Variants in FANCC observed in about 807,000 individuals in gnomAD.
The protein encoded by FANCC is Fanconi anemia group C protein.
FANCC carries 55 observed loss-of-function variants against 71.3 expected under a neutral mutation model. The ratio of observed to expected loss-of-function variants is 0.77; its 90% confidence interval spans 0.62 to 0.97. FANCC has a LOEUF of 0.97. FANCC is among the 50% of genes least tolerant of loss of function. The probability of loss-of-function intolerance (pLI) is 0.00; values close to 1 mark genes in which losing one functional copy is unlikely to be tolerated. For synonymous variants in FANCC, 275 were observed against 244.9 expected, an observed-to-expected ratio of 1.12 and a Z score of -1.15; for missense variants, 678 against 670.9, an observed-to-expected ratio of 1.01 and a Z score of -0.12.
intron 1 of FANCC, among the ~76,000 whole-genome samples, chr9:95,276,899 G>A (rs947618100): frequency 2.6e-5 from 4 of 152,136 alleles, no homozygotes; most frequent in Non-Finnish European, 5.9e-5. Context: ...AACTTTGCTC[G>A]CTTTTACTAC....
chr9:95,302,052 AG>A (rs1386454302), intron 1 of FANCC, among the ~76,000 whole-genome samples: 2 of 144,070 alleles, frequency 1.4e-5, no homozygotes, highest in East Asian at 4.3e-4. Context: ...ACTGCACTCC[AG>A]CCTGGGAGAC....
intron 13 of FANCC, chr9:95,111,025 GGA>G: frequency 1.2e-5 from 18 of 1,442,896 alleles, no homozygotes; most frequent in Non-Finnish European, 1.6e-5. Flanking sequence ...ATCCAAGAAA[GGA>G]GACAGTCAAG....
At chr9:95,211,458 C>T (rs1054231139) in intron 4 of FANCC, among the ~76,000 whole-genome samples, 4 of 152,128 alleles carry the variant, frequency 2.6e-5, no homozygotes, top group Non-Finnish European at 5.9e-5. Context: ...TGCTACTTGG[C>T]CTTGGTAAAA....
At chr9:95,289,025 C>T (rs559159744) in intron 1 of FANCC, among the ~76,000 whole-genome samples, 1 of 152,184 alleles carries the variant, frequency 6.6e-6, no homozygotes, top group South Asian at 2.1e-4. Context: ...TGCTTGAGCC[C>T]ATGAGTTTGA....
chr9:95,245,540 A>G (rs999729183), intron 3 of FANCC, among the ~76,000 whole-genome samples: 24 of 151,658 alleles, frequency 1.6e-4, no homozygotes, highest in African/African-American at 5.8e-4. Flanking sequence ...GTAACAATAT[A>G]GTGTAATAGA....
intron 4 of FANCC, among the ~76,000 whole-genome samples, chr9:95,192,051 T>A (rs571060604): frequency 7.2e-5 from 11 of 152,356 alleles, no homozygotes; most frequent in Non-Finnish European, 1.5e-4. Flanking sequence ...TTGTTCTGAA[T>A]GCAGTAATAC....
intron 4 of FANCC, among the ~76,000 whole-genome samples, chr9:95,183,782 C>T (rs971003155): frequency 6.6e-6 from 1 of 152,128 alleles, no homozygotes; most frequent in Non-Finnish European, 1.5e-5. Context: ...AAGCAAAGGG[C>T]CATCTTTGCT....
intron 1 of FANCC, among the ~76,000 whole-genome samples, chr9:95,288,079 T>C (rs1050826500): frequency 2.0e-5 from 3 of 152,226 alleles, no homozygotes; most frequent in Non-Finnish European, 2.9e-5. Flanking sequence ...TCATAATCTC[T>C]GTACAGAACA....
chr9:95,206,101 A>G (rs1216787913), intron 4 of FANCC, among the ~76,000 whole-genome samples: 2 of 152,342 alleles, frequency 1.3e-5, no homozygotes, highest in Non-Finnish European at 2.9e-5. Flanking sequence ...AGAAATACAC[A>G]AAAGCATCAT....
chr9:95,199,311 TCTGCAGCCCCACC>T (rs11268312), intron 4 of FANCC, among the ~76,000 whole-genome samples: 59,860 of 151,252 alleles, frequency 0.4, 12,331 homozygotes, highest in East Asian at 0.58. Flanking sequence ...CAGGATTGAC[TCTGCAGCCCCACC>T]CTGCAGCCCC....
At chr9:95,122,389 G>A (rs2072955447) in intron 10 of FANCC, among the ~76,000 whole-genome samples, 1 of 152,200 alleles carries the variant, frequency 6.6e-6, no homozygotes, top group Admixed American at 6.5e-5. Flanking sequence ...AAAAGATGTA[G>A]ATGGCCATCA....
At chr9:95,123,163 C>A (rs892762399) in intron 10 of FANCC, among the ~76,000 whole-genome samples, 2 of 151,864 alleles carry the variant, frequency 1.3e-5, no homozygotes, top group Non-Finnish European at 2.9e-5. Flanking sequence ...ATTAGCTGGG[C>A]GTGGTGGCTT....
intron 4 of FANCC, among the ~76,000 whole-genome samples, chr9:95,234,381 G>A (rs536907378): frequency 1.3e-5 from 2 of 152,196 alleles, no homozygotes; most frequent in Non-Finnish European, 2.9e-5. Flanking sequence ...TTTTGCCTTA[G>A]AGGATAGTGG....
At position 95,110,737 on chromosome 9, in the gene FANCC, G is replaced by A. The variant is rs901470917; in HGVS notation, c.1329+726C>T. 4.6e-6 allele frequency: 5 copies of A among 1,093,866 alleles called. No homozygotes were observed. The African/African-American group carries it at 6.5e-5, about 14-fold the overall frequency. The allele number at this position is 1,093,866 out of a possible 1,614,324, so 67.8% of individuals were successfully genotyped here. On this transcript the variant is annotated intron_variant, in intron 13 of 14. Transcript: ENST00000289081. Reference sequence around the variant, plus strand: ...TTGTCCTCTTTAACTACTAAGATCAGCATAGAGCACTGGCAGTTGAAGTTT... The same window carrying A: ...TTGTCCTCTTTAACTACTAAGATCAACATAGAGCACTGGCAGTTGAAGTTT...
rs184382090 is a variant in FANCC, at chr9:95,206,653, A to C, written c.345+33996T>G. On this transcript the variant is annotated intron_variant, in intron 4 of 14. Coordinates refer to ENST00000289081, the MANE Select transcript of FANCC (RefSeq NM_000136.3). ...TTTCAAGCTCTTAAAGAAGATATAC[A>C]GCCCAAGTTAAACCCCTTAACAGAT... Among the ~76,000 whole-genome samples the C allele has an allele frequency of 3.4e-3, 520 of 152,314 alleles. 3 individuals are homozygous for C. Among genetic ancestry groups the C allele is most frequent in the Non-Finnish European group, 4.7e-3 (322 of 68,032 alleles).
chr9:95,267,718 A>AT (rs889431200), intron 1 of FANCC, among the ~76,000 whole-genome samples: 5 of 152,224 alleles, frequency 3.3e-5, no homozygotes, highest in African/African-American at 1.2e-4. Context: ...ATTTAAGGTG[A>AT]TTTTTAAAAC....
intron 7 of FANCC, chr9:95,145,589 A>G (rs1307834045): frequency 2.0e-5 from 3 of 152,212 alleles, no homozygotes; most frequent in Non-Finnish European, 4.4e-5. Flanking sequence ...ACTAATAACA[A>G]CCCTAGTAAA....
chr9:95,124,651 C>G (rs1205935108), intron 10 of FANCC, among the ~76,000 whole-genome samples: 1 of 152,188 alleles, frequency 6.6e-6, no homozygotes, highest in Non-Finnish European at 1.5e-5. Context: ...AATGAAGATG[C>G]TAATAATTAA....
chr9:95,141,576 C>A (rs545742364), intron 7 of FANCC, among the ~76,000 whole-genome samples: 2 of 152,162 alleles, frequency 1.3e-5, no homozygotes, highest in South Asian at 4.2e-4. Flanking sequence ...TTCTAATTTA[C>A]GTTTTCATTT....
Sources: gnomAD v4.1 joint callset for allele counts (sites outside exome capture counted in the v4.1 genomes callset) on GRCh38, gnomAD v4.1.1 for gene constraint, MANE v1.5 for transcripts, NCBI Gene and HGNC (gene_info 2026-07-23, HGNC 2026-07-21) for gene names.